IFT81: variants seen among roughly 807,000 people sequenced by gnomAD.
IFT81 encodes intraflagellar transport protein 81 homolog.
In IFT81, 72 loss-of-function variants were observed where a neutral mutation model predicts 102.6. That is an observed-to-expected ratio of 0.70 (90% CI 0.58 to 0.85). IFT81 has a LOEUF of 0.85. IFT81 is among the 40% of genes least tolerant of loss of function. IFT81 has a pLI of 0.00. For missense variants in IFT81, 723 were observed against 787.3 expected, an observed-to-expected ratio of 0.92 and a Z score of 0.98; for synonymous variants, 237 against 242.7, an observed-to-expected ratio of 0.98 and a Z score of 0.22.
chr12:110,196,365 C>T (rs1384664206), intron 14 of IFT81, among the ~76,000 whole-genome samples: 3 of 152,050 alleles, frequency 2.0e-5, no homozygotes, highest in Non-Finnish European at 2.9e-5. Context: ...CCAAAAAATA[C>T]AAAAATTAGC....
intron 17 of IFT81, among the ~76,000 whole-genome samples, chr12:110,207,402 A>T (rs1008064756): frequency 9.2e-5 from 14 of 151,830 alleles, no homozygotes; most frequent in African/African-American, 3.4e-4. Context: ...ATTTTCCTTT[A>T]CTTAGACTGC....
At chr12:110,188,428 A>G (rs1897647453) in intron 12 of IFT81, among the ~76,000 whole-genome samples, 1 of 151,710 alleles carries the variant, frequency 6.6e-6, no homozygotes. Context: ...AGATTTGGTA[A>G]TGCCTAAAGA....
Position 110,134,953 on chromosome 12 carries a change from C to T in IFT81, c.525C>T (p.Ile175=). 1.2e-6 allele frequency: 2 copies of T among 1,607,964 alleles called. No homozygotes were observed. The highest frequency in any genetic ancestry group is 2.2e-5 in the South Asian group (2 of 89,608). Residue 175 remains isoleucine (I), a synonymous_variant, in exon 6 of 19, where the codon ATC becomes ATT. Transcript: ENST00000242591. ...GFSTAEIRKD[I]SAMEEEKDQL... The stretch of plus-strand genomic sequence containing the variant: ...TCTTCTTTGCCACTTTTTAGGATAT[C>T]AGTGCAATGGAAGAAGAAAAGGATC...
At chr12:110,185,103 A>G (rs926258639) in intron 12 of IFT81, among the ~76,000 whole-genome samples, 2 of 152,212 alleles carry the variant, frequency 1.3e-5, no homozygotes, top group Non-Finnish European at 2.9e-5. Context: ...CCTTAGTTCC[A>G]TTTAGCCAGT....
intron 10 of IFT81, among the ~76,000 whole-genome samples, chr12:110,150,991 T>A (rs1326493106): frequency 1.3e-5 from 2 of 152,120 alleles, no homozygotes; most frequent in East Asian, 3.8e-4. Context: ...GTAGAAAAAA[T>A]TTTGTTCCTT....
chr12:110,177,152 T>C (rs942697833), intron 11 of IFT81, among the ~76,000 whole-genome samples: 1 of 152,266 alleles, frequency 6.6e-6, no homozygotes, highest in African/African-American at 2.4e-5. Context: ...TGAAAATTTG[T>C]GGTGTGAGGG....
At chr12:110,129,849 TTA>T (rs1491361416) in intron 4 of IFT81, among the ~76,000 whole-genome samples, 12 of 151,824 alleles carry the variant, frequency 7.9e-5, no homozygotes, top group African/African-American at 2.7e-4. Context: ...TTTTTTTTTT[TTA>T]AAAAGTGCTT....
At position 110,169,502 on chromosome 12, in the gene IFT81, G is replaced by A. The variant is rs1388833514; in HGVS notation, c.1188+6437G>A. Among the ~76,000 whole-genome samples the A allele has an allele frequency of 5.3e-5, 8 of 152,124 alleles. 1 individual carries two copies. Among genetic ancestry groups the A allele is most frequent in the Non-Finnish European group, 1.0e-4 (7 of 68,016 alleles). ...ATGAGAAAGCCAAATTAGGACCAAT[G>A]AATGGTGATTAGAATGAAATATTTG... On this transcript the variant is annotated intron_variant, in intron 11 of 18. Coordinates refer to ENST00000242591, the MANE Select transcript of IFT81 (RefSeq NM_014055.4).
At chr12:110,216,870 G>T in intron 18 of IFT81, 1 of 290,530 alleles carries the variant, frequency 3.4e-6, no homozygotes, top group Non-Finnish European at 6.7e-6. Context: ...ATAAGTATTA[G>T]GTTTTAGTAT....
chr12:110,139,239 A>C (rs61217249), intron 8 of IFT81, among the ~76,000 whole-genome samples: 19,841 of 147,028 alleles, frequency 0.13, 1,772 homozygotes, highest in African/African-American at 0.27. Flanking sequence ...TGGGAGGCTG[A>C]GGTGGGAGGA....
chr12:110,164,764 G>A (rs998698688), intron 11 of IFT81, among the ~76,000 whole-genome samples: 2 of 152,206 alleles, frequency 1.3e-5, no homozygotes, highest in African/African-American at 4.8e-5. Context: ...AGACATGGGA[G>A]TGTTTTAAAT....
At chr12:110,129,715 A>G (rs1399163579) in intron 4 of IFT81, among the ~76,000 whole-genome samples, 2 of 152,190 alleles carry the variant, frequency 1.3e-5, no homozygotes, top group Non-Finnish European at 2.9e-5. Context: ...ATAAGGTCTT[A>G]AAGCTCTTGA....
At chr12:110,160,000 A>G (rs1896053202) in intron 10 of IFT81, among the ~76,000 whole-genome samples, 1 of 152,160 alleles carries the variant, frequency 6.6e-6, no homozygotes, top group South Asian at 2.1e-4. Context: ...CACCAGAGAA[A>G]CTGTTCACTA....
chr12:110,149,781 C>G (rs1178380072), intron 10 of IFT81, among the ~76,000 whole-genome samples: 4 of 152,140 alleles, frequency 2.6e-5, no homozygotes, highest in African/African-American at 7.2e-5. Context: ...GTCGGTGTCT[C>G]TAGGTATCAA....
chr12:110,145,433 GGTTTTTTTT>G (rs1393530099), intron 9 of IFT81, among the ~76,000 whole-genome samples: 4 of 150,946 alleles, frequency 2.6e-5, no homozygotes, highest in East Asian at 1.9e-4. Flanking sequence ...TGACTGTTTT[GGTTTTTTTT>G]GTTTTTTTTT....
intron 14 of IFT81, among the ~76,000 whole-genome samples, chr12:110,199,122 T>C (rs1478576852): frequency 6.6e-6 from 1 of 152,162 alleles, no homozygotes; most frequent in Non-Finnish European, 1.5e-5. Context: ...CTTTTTGTAA[T>C]CTTTTGTTTT....
intron 1 of IFT81, among the ~76,000 whole-genome samples, chr12:110,126,082 T>C (rs907033566): frequency 6.6e-6 from 1 of 152,062 alleles, no homozygotes; most frequent in Non-Finnish European, 1.5e-5. Flanking sequence ...ATCCAGACCA[T>C]CCTGGCTAAC....
At chr12:110,182,239 ATT>A (rs930836135) in intron 12 of IFT81, among the ~76,000 whole-genome samples, 8 of 152,262 alleles carry the variant, frequency 5.3e-5, no homozygotes, top group Admixed American at 2.0e-4. Context: ...GTCACATTAA[ATT>A]TACTCCACCC....
intron 10 of IFT81, among the ~76,000 whole-genome samples, chr12:110,153,640 C>T (rs984571686): frequency 5.6e-5 from 8 of 143,880 alleles, no homozygotes; most frequent in African/African-American, 1.3e-4. Context: ...GACGAAGTTT[C>T]GCTCTTGTTA....
Sources: gnomAD v4.1 joint callset for allele counts (sites outside exome capture counted in the v4.1 genomes callset) on GRCh38, gnomAD v4.1.1 for gene constraint, MANE v1.5 for transcripts, NCBI Gene and HGNC (gene_info 2026-07-23, HGNC 2026-07-21) for gene names.